Variants in CLMP observed in about 807,000 individuals in gnomAD.
CLMP encodes the protein CXADR like cell adhesion molecule, also known as CXADR-like membrane protein.
In CLMP, 27 loss-of-function variants were observed where a neutral mutation model predicts 45.2. The ratio of observed to expected loss-of-function variants is 0.60; its 90% confidence interval spans 0.44 to 0.82. CLMP has a LOEUF of 0.82. CLMP is among the 40% of genes least tolerant of loss of function. The probability of loss-of-function intolerance (pLI) is 0.00; values close to 1 mark genes in which losing one functional copy is unlikely to be tolerated. For missense variants in CLMP, 403 were observed against 448.4 expected, an observed-to-expected ratio of 0.90 and a Z score of 0.91; for synonymous variants, 167 against 171.4, an observed-to-expected ratio of 0.97 and a Z score of 0.20.
rs544058085 is a variant in CLMP at position 123,116,587 on chromosome 11, A to G, written c.29-18635T>C. On this transcript the variant is annotated intron_variant, in intron 1 of 6. Coordinates refer to ENST00000448775, the MANE Select transcript of CLMP (RefSeq NM_024769.5). Reference sequence around the variant, plus strand: ...CCATCTCAAAAATAAATAAATAAATAAAGCCTTAAAAATTATCCATATGTG... The same window carrying G: ...CCATCTCAAAAATAAATAAATAAATGAAGCCTTAAAAATTATCCATATGTG... Among the ~76,000 whole-genome samples the G allele has an allele frequency of 2.0e-5, 3 of 152,192 alleles. No individual in the cohort carries two copies. In the East Asian group the frequency reaches 5.8e-4, roughly 29 times the overall value.
At chr11:123,140,039 T>C (rs1861132595) in intron 1 of CLMP, among the ~76,000 whole-genome samples, 1 of 152,146 alleles carries the variant, frequency 6.6e-6, no homozygotes, top group East Asian at 1.9e-4. Flanking sequence ...TGGTTTGTTG[T>C]TTAGACGTGT....
At chr11:123,136,926 T>C (rs1861081720) in intron 1 of CLMP, among the ~76,000 whole-genome samples, 1 of 152,038 alleles carries the variant, frequency 6.6e-6, no homozygotes, top group Non-Finnish European at 1.5e-5. Context: ...ATCTTACTTA[T>C]GGGGCTGGCT....
rs529107758 is a variant in CLMP at position 123,171,050 on chromosome 11, A to G, written c.28+23863T>C. On this transcript the variant is annotated intron_variant, in intron 1 of 6. Transcript: ENST00000448775. The stretch of plus-strand genomic sequence containing the variant: ...AGCAAGGTCTCTGGGGACCACAGCA[A>G]AAAGCAACCAGCTCTGCTTGGGGTT... Among the ~76,000 whole-genome samples, 116 of 152,336 alleles carry G rather than the reference A, an allele frequency of 7.6e-4. 1 individual carries two copies. Among genetic ancestry groups the G allele is most frequent in the African/African-American group, 2.7e-3 (114 of 41,578 alleles).
At chr11:123,187,445 A>G (rs76980239) in intron 1 of CLMP, among the ~76,000 whole-genome samples, 4,624 of 152,288 alleles carry the variant, frequency 0.03, 218 homozygotes, top group African/African-American at 0.1. Context: ...TGAAGTCACA[A>G]AGCAATTTCT....
intron 1 of CLMP, among the ~76,000 whole-genome samples, chr11:123,131,532 T>C (rs1372568573): frequency 6.6e-6 from 1 of 152,058 alleles, no homozygotes; most frequent in African/African-American, 2.4e-5. Flanking sequence ...CAAAACACAG[T>C]GTGGAGGATG....
intron 1 of CLMP, among the ~76,000 whole-genome samples, chr11:123,099,173 C>A (rs1476505319): frequency 6.6e-6 from 1 of 152,138 alleles, no homozygotes; most frequent in African/African-American, 2.4e-5. Context: ...TTAGCAGAGG[C>A]TTCCAAGAAG....
intron 2 of CLMP, among the ~76,000 whole-genome samples, chr11:123,096,721 T>G (rs1478529816): frequency 6.6e-6 from 1 of 152,182 alleles, no homozygotes; most frequent in Non-Finnish European, 1.5e-5. Context: ...AGTGAAAACC[T>G]TAGCTCTTCC....
At chr11:123,107,822 A>G (rs867570775) in intron 1 of CLMP, among the ~76,000 whole-genome samples, 1 of 151,796 alleles carries the variant, frequency 6.6e-6, no homozygotes, top group Middle Eastern at 3.4e-3. Context: ...TTGTTGTACC[A>G]GTTGAAATCA....
intron 1 of CLMP, among the ~76,000 whole-genome samples, chr11:123,118,136 T>A (rs1033196568): frequency 6.6e-6 from 1 of 152,064 alleles, no homozygotes; most frequent in Non-Finnish European, 1.5e-5. Context: ...ATAAACTTTT[T>A]TTTCTTTTTT....
At chr11:123,167,780 A>G (rs1051047263) in intron 1 of CLMP, among the ~76,000 whole-genome samples, 7 of 152,160 alleles carry the variant, frequency 4.6e-5, no homozygotes, top group Non-Finnish European at 7.3e-5. Context: ...GACTCTTCCA[A>G]TCTCACCTGC....
chr11:123,173,571 G>A (rs377016616), intron 1 of CLMP, among the ~76,000 whole-genome samples: 14 of 152,296 alleles, frequency 9.2e-5, no homozygotes, highest in African/African-American at 3.4e-4. Flanking sequence ...AAGGAAAAGA[G>A]CACAGGCTTG....
chr11:123,118,928 C>A (rs12294008), intron 1 of CLMP, among the ~76,000 whole-genome samples: 1 of 123,680 alleles, frequency 8.1e-6, no homozygotes, highest in Admixed American at 8.8e-5. Flanking sequence ...ATTTTCTTTT[C>A]TTTTCTTTCT....
At chr11:123,146,168 T>A (rs1022966228) in intron 1 of CLMP, among the ~76,000 whole-genome samples, 2 of 152,218 alleles carry the variant, frequency 1.3e-5, no homozygotes, top group African/African-American at 4.8e-5. Flanking sequence ...GCATCATTTC[T>A]TCTCAGTTCT....
chr11:123,170,675 A>C (rs1173036649), intron 1 of CLMP, among the ~76,000 whole-genome samples: 1 of 152,146 alleles, frequency 6.6e-6, no homozygotes, highest in African/African-American at 2.4e-5. Context: ...TACTGAGCTC[A>C]AGTGATCCAC....
chr11:123,179,270 G>A (rs1420658777), intron 1 of CLMP, among the ~76,000 whole-genome samples: 3 of 152,220 alleles, frequency 2.0e-5, no homozygotes, highest in Non-Finnish European at 2.9e-5. Flanking sequence ...GGCTTTGCAA[G>A]TATTGAGCTT....
intron 2 of CLMP, among the ~76,000 whole-genome samples, chr11:123,093,554 G>C (rs185477714): frequency 1.7e-5 from 2 of 114,326 alleles, no homozygotes; most frequent in East Asian, 4.3e-4. Context: ...CACCATGTTG[G>C]GCAGGCTGGT....
intron 5 of CLMP, among the ~76,000 whole-genome samples, chr11:123,081,039 G>A (rs1180561043): frequency 1.3e-5 from 2 of 151,946 alleles, no homozygotes; most frequent in African/African-American, 4.8e-5. Context: ...CCAGCTACTC[G>A]CTACTCGGGA....
rs762284099 is a variant in CLMP, at chr11:123,073,643, A to AGT, written c.951_952dup (p.Leu318HisfsTer19). 1.9e-6 allele frequency: 3 copies of AGT among 1,614,226 alleles called. No homozygotes were observed. In the South Asian group the frequency reaches 3.3e-5, roughly 18 times the overall value. The stretch of plus-strand genomic sequence containing the variant: ...TGGCTGGGGTGCTGCGTCAGTTGAC[A>AGT]GTGTCCGCTGGCTGCGTGAGGCACT... On this transcript the variant is annotated frameshift_variant, in exon 7 of 7. Transcript: ENST00000448775. LOFTEE classifies it high-confidence loss of function.
At chr11:123,080,393 T>C (rs1865791257) in intron 5 of CLMP, among the ~76,000 whole-genome samples, 2 of 148,990 alleles carry the variant, frequency 1.3e-5, no homozygotes, top group Admixed American at 6.9e-5. Flanking sequence ...AGTGGCACAA[T>C]CTAGGCTCAC....
Sources: allele counts gnomAD v4.1 joint callset (sites outside exome capture counted in the v4.1 genomes callset), GRCh38; gene constraint gnomAD v4.1.1; transcripts MANE v1.5; gene names NCBI Gene and HGNC (gene_info 2026-07-23, HGNC 2026-07-21).